Variants in RRP12 observed in about 807,000 individuals in gnomAD.
The protein encoded by RRP12 is ribosomal RNA processing 12 homolog, also known as RRP12-like protein.
Under a neutral mutation model 157.3 loss-of-function variants are expected in RRP12, and 78 were observed. The observed-to-expected ratio is 0.50, with a 90% CI of 0.41 to 0.60. RRP12 has a LOEUF of 0.60. Ranked by LOEUF, RRP12 falls within the 20% of genes least tolerant of loss-of-function variation. The pLI, the probability that RRP12 is intolerant of heterozygous loss-of-function variation, is 0.00. For missense variants in RRP12, 1,521 were observed against 1,679.9 expected (o/e 0.91, Z 1.65); for synonymous variants, 726 against 670.9 (o/e 1.08, Z -1.27).
In RRP12 at chr10:97,390,527, G is replaced by A. The variant is rs139997762; in HGVS notation, c.649C>T (p.Leu217=). The change falls in exon 6 of 34, where the codon CTG becomes TTG. Residue 217 remains leucine, a synonymous_variant. Coordinates refer to ENST00000370992, the MANE Select transcript of RRP12 (RefSeq NM_015179.4). ...TSVLRWVLSC[L]ATLLRKQDLE... ...TCTTGCTTCCGCAGAAGGGTGGCCA[G>A]GCAGGAAAGGACCTGGAAGAAAGTC... The A allele has an allele frequency of 1.3e-4, 208 of 1,613,482 alleles. No individual in the cohort carries two copies. The highest frequency in any genetic ancestry group is 1.7e-4 in the Non-Finnish European group (198 of 1,179,538).
At chr10:97,381,951 T>C (rs1457336783) in intron 10 of RRP12, 125 bp from the exon 11 acceptor site, 1 of 645,650 alleles carries the variant, frequency 1.5e-6, no homozygotes. Context: ...CAGGGCTCCG[T>C]AGGGCCCTTC....
intron 3 of RRP12, among the ~76,000 whole-genome samples, chr10:97,395,713 T>C (rs374159263): frequency 6.6e-6 from 1 of 151,890 alleles, no homozygotes; most frequent in African/African-American, 2.4e-5. Flanking sequence ...AAGCCGGGTA[T>C]GGTGGTGTGC....
At chr10:97,393,473 G>A (rs1167452254) in intron 4 of RRP12, 1 of 693,452 alleles carries the variant, frequency 1.4e-6, no homozygotes, top group Non-Finnish European at 2.6e-6. Context: ...TCTATTACCA[G>A]GGGTTCAGGA....
At chr10:97,389,558 T>C (rs1844742641) in intron 6 of RRP12, among the ~76,000 whole-genome samples, 1 of 151,994 alleles carries the variant, frequency 6.6e-6, no homozygotes, top group Admixed American at 6.6e-5. Context: ...TACATGACTG[T>C]TATTGTTACC....
intron 4 of RRP12, among the ~76,000 whole-genome samples, chr10:97,392,382 C>T (rs898980905): frequency 1.3e-5 from 2 of 152,192 alleles, no homozygotes; most frequent in African/African-American, 4.8e-5. Flanking sequence ...TGGAGTCTCA[C>T]TCTGTTGCCC....
At chr10:97,360,727 G>A in intron 30 of RRP12, 109 bp from the exon 31 acceptor site, 1 of 805,950 alleles carries the variant, frequency 1.2e-6, no homozygotes, top group Non-Finnish European at 2.2e-6. Context: ...GAGGCCCTCT[G>A]CTAAGCACCC....
Position 97,370,266 on chromosome 10 carries a change from G to A in RRP12, c.2698C>T (p.Gln900Ter). The A allele has an allele frequency of 6.3e-7, 1 of 1,593,346 alleles. No homozygotes were observed. ...RFGSNQEEAL[Q>*]CYLVLIYPGL... ...GGGTAGATCAGGACGAGGTAGCACT[G>A]CAGGGCCTCTGGGGACAGAGACCAA... Residue 900 changes from glutamine (Q) to a stop codon, truncating the protein, a stop_gained, in exon 24 of 34, where the codon CAG (glutamine) becomes TAG (stop). Coordinates refer to ENST00000370992, the MANE Select transcript of RRP12 (RefSeq NM_015179.4). LOFTEE classifies it high-confidence loss of function.
intron 20 of RRP12, 183 bp from the exon 21 acceptor site, chr10:97,371,264 G>C: frequency 1.5e-6 from 1 of 657,130 alleles, no homozygotes; most frequent in East Asian, 2.7e-5. Flanking sequence ...ACAGGGGTTG[G>C]GGGTGTGTGC....
At position 97,369,626 on chromosome 10, in the gene RRP12, A is replaced by G. The variant is rs112728763; in HGVS notation, c.2798-44T>C. ...CACTGTCTAAGACACCCAGGACCCC[A>G]CTCAGACCCAAACCTTCCCCACTGG... On this transcript the variant is annotated intron_variant, in intron 24 of 33. Coordinates refer to ENST00000370992, the MANE Select transcript of RRP12 (RefSeq NM_015179.4). 1,186 of 1,534,804 alleles carry G rather than the reference A, an allele frequency of 7.7e-4. 7 individuals are homozygous for G. The African/African-American group carries it at 0.012, about 16-fold the overall frequency.
chr10:97,366,941 C>A, intron 26 of RRP12, 32 bp from the exon 27 acceptor site: 1 of 1,610,238 alleles, frequency 6.2e-7, no homozygotes, highest in Non-Finnish European at 8.5e-7. Context: ...TGGTGAGAGG[C>A]ACTGGCCAGA....
intron 25 of RRP12, 166 bp from the exon 26 acceptor site, chr10:97,367,298 G>T: frequency 1.6e-6 from 1 of 624,904 alleles, no homozygotes; most frequent in Non-Finnish European, 2.8e-6. Context: ...TCCCTCGGGT[G>T]GGCAGGCCCC....
rs556025235 is a variant in RRP12 at position 97,363,813 on chromosome 10, A to G, written c.3567+41T>C. On this transcript the variant is annotated intron_variant, in intron 30 of 33. Coordinates refer to ENST00000370992, the MANE Select transcript of RRP12 (RefSeq NM_015179.4). ...GTGAGAAGCTGTGGAGCCCAGGCTTAGGTCTGAAGCCCTAGCCCCCCATCT... is the reference window on the plus strand; with the variant it reads ...GTGAGAAGCTGTGGAGCCCAGGCTTGGGTCTGAAGCCCTAGCCCCCCATCT... The G allele has an allele frequency of 1.9e-5, 29 of 1,562,848 alleles. No homozygotes were observed. The South Asian group carries it at 2.8e-4, about 15-fold the overall frequency.
chr10:97,356,813 G>T lies in RRP12; in HGVS notation c.*281C>A, dbSNP rs1420838652. 1.1e-5 allele frequency: 4 copies of T among 359,312 alleles called. No homozygotes were observed. Among genetic ancestry groups the T allele is most frequent in the Non-Finnish European group, 1.5e-5 (3 of 200,506 alleles). The allele number at this position is 359,312 out of a possible 1,614,324, so 22.3% of individuals were successfully genotyped here. On this transcript the variant is annotated 3_prime_UTR_variant, in exon 34 of 34. Coordinates refer to ENST00000370992, the MANE Select transcript of RRP12 (RefSeq NM_015179.4). ...GGCGGAAATGGAGATCATCTGTTCT[G>T]GTGCTCATGGCCACTCTGGGCAGAA...
chr10:97,386,117 A>T (rs1429078685), intron 8 of RRP12, 124 bp from the exon 9 acceptor site: 17 of 628,896 alleles, frequency 2.7e-5, no homozygotes, highest in South Asian at 2.2e-4. Flanking sequence ...CCCCCCACAC[A>T]GAGACACCCT....
chr10:97,390,904 C>A, intron 4 of RRP12, 60 bp from the exon 5 acceptor site: 2 of 1,131,980 alleles, frequency 1.8e-6, no homozygotes, highest in South Asian at 2.5e-5. Flanking sequence ...CTGGTGCAGC[C>A]CCTCGTGGTA....
chr10:97,381,554 C>T, intron 11 of RRP12, 71 bp from the exon 12 acceptor site: 2 of 1,325,316 alleles, frequency 1.5e-6, no homozygotes, highest in Non-Finnish European at 1.0e-6. Flanking sequence ...TCCCAGGCAA[C>T]AGTTTCCTGG....
At chr10:97,362,105 CAAA>C (rs11293071) in intron 30 of RRP12, among the ~76,000 whole-genome samples, 76 of 95,076 alleles carry the variant, frequency 8.0e-4, no homozygotes, top group Admixed American at 2.6e-3. Context: ...GACTTCATCT[CAAA>C]AAAAAAAAAA....
intron 29 of RRP12, chr10:97,365,887 T>C (rs905785619): frequency 3.9e-5 from 23 of 583,002 alleles, no homozygotes; most frequent in Non-Finnish European, 4.8e-5. Context: ...CCATTTCCGA[T>C]AGTTTCCTTT....
At chr10:97,382,503 T>C (rs893330816) in intron 10 of RRP12, among the ~76,000 whole-genome samples, 1 of 152,218 alleles carries the variant, frequency 6.6e-6, no homozygotes, top group Non-Finnish European at 1.5e-5. Flanking sequence ...TACATTCATT[T>C]AAACCTTGTA....
Sources: gnomAD v4.1 joint callset for allele counts (sites outside exome capture counted in the v4.1 genomes callset) on GRCh38, gnomAD v4.1.1 for gene constraint, MANE v1.5 for transcripts, NCBI Gene and HGNC (gene_info 2026-07-23, HGNC 2026-07-21) for gene names.